The following ADGRE2 variants were observed in gnomAD, a reference collection of about 807,000 sequenced individuals.
ADGRE2 encodes the protein CD97 antigen.
A neutral mutation model predicts 100.8 loss-of-function variants in ADGRE2; 83 were observed. The ratio of observed to expected loss-of-function variants is 0.82; its 90% CI spans 0.69 to 0.99. The LOEUF (loss-of-function observed/expected upper bound fraction) is 0.99, where lower values mean the gene tolerates loss of function less well. Ranked by LOEUF, ADGRE2 falls within the 50% of genes least tolerant of loss-of-function variation. The pLI is 0.00. For synonymous variants in ADGRE2, 355 were observed against 413.0 expected, an observed-to-expected ratio of 0.86 and a Z score of 1.70; for missense variants, 814 against 1,035.7, an observed-to-expected ratio of 0.79 and a Z score of 2.94.
chr19:14,753,895 G>A (rs939188726), intron 14 of ADGRE2, among the ~76,000 whole-genome samples: 8 of 152,046 alleles, frequency 5.3e-5, no homozygotes, highest in African/African-American at 1.9e-4. Context: ...AACTTGTGAC[G>A]GTTAATACTG....
intron 20 of ADGRE2, among the ~76,000 whole-genome samples, chr19:14,738,210 TA>T (rs2042816482): frequency 6.6e-6 from 1 of 152,138 alleles, no homozygotes; most frequent in Non-Finnish European, 1.5e-5. Flanking sequence ...AAAAAACATT[TA>T]AAAAGATCTA....
intron 18 of ADGRE2, among the ~76,000 whole-genome samples, chr19:14,744,175 C>T (rs1228391384): frequency 2.0e-5 from 3 of 150,866 alleles, no homozygotes; most frequent in East Asian, 2.0e-4. Flanking sequence ...ACTCAGGAGG[C>T]GGAGGTTGCA....
intron 3 of ADGRE2, 59 bp from the exon 4 acceptor site, chr19:14,774,113 G>A: frequency 1.3e-6 from 2 of 1,536,736 alleles, no homozygotes; most frequent in Admixed American, 1.7e-5. Context: ...CAAAAAGGGG[G>A]CACTGGGGGA....
chr19:14,759,503 A>ATATATATAT (rs60789454), intron 11 of ADGRE2, among the ~76,000 whole-genome samples: 21,747 of 132,814 alleles, frequency 0.16, 2,237 homozygotes, highest in South Asian at 0.33. Flanking sequence ...ATATATATAT[A>ATATATATAT]TTTTTTTTTT....
chr19:14,751,932 T>TATA (rs1491431762), intron 15 of ADGRE2, among the ~76,000 whole-genome samples: 157 of 50,976 alleles, frequency 3.1e-3, no homozygotes, highest in African/African-American at 0.015. Context: ...TATATATATA[T>TATA]TTTTTTTTTT....
At chr19:14,749,443 ATTAT>A (rs993302155) in intron 16 of ADGRE2, among the ~76,000 whole-genome samples, 4 of 141,036 alleles carry the variant, frequency 2.8e-5, no homozygotes, top group African/African-American at 5.1e-5. Flanking sequence ...ATGTAATATA[ATTAT>A]TTATAGTTAT....
intron 14 of ADGRE2, among the ~76,000 whole-genome samples, chr19:14,754,231 C>T (rs4613193): frequency 0.42 from 64,106 of 151,244 alleles, 14,735 homozygotes; most frequent in African/African-American, 0.6. Context: ...GACGGCCTAT[C>T]GTGGGACCTT....
At chr19:14,746,468 G>T in intron 17 of ADGRE2, 145 bp from the exon 18 acceptor site, 1 of 599,748 alleles carries the variant, frequency 1.7e-6, no homozygotes, top group South Asian at 2.0e-5. Context: ...TGCCTCCCGG[G>T]TTCGAGCGAT....
At position 14,774,183 on chromosome 19, in the gene ADGRE2, G is replaced by A. The variant is rs987683182; in HGVS notation, c.82+73C>T. ...CCCTCTCTTTCCCTGGGCTGAAGGG[G>A]GCTGGGCGGGGGTCCAGGACCCTCC... On this transcript the variant is annotated intron_variant, in intron 3 of 20. Transcript: ENST00000315576. The A allele has an allele frequency of 6.7e-5, 102 of 1,516,216 alleles. 1 individual carries two copies. The highest frequency in any genetic ancestry group is 8.7e-5 in the Non-Finnish European group (96 of 1,103,170). The allele number at this position is 1,516,216 out of a possible 1,614,324, so 93.9% of individuals were successfully genotyped here. A position where few individuals can be genotyped will look rare whatever the true frequency, so the allele number is the denominator to read the frequency against.
At chr19:14,751,714 G>C (rs1462691790) in intron 15 of ADGRE2, 43 bp from the exon 16 acceptor site, 3 of 1,455,544 alleles carry the variant, frequency 2.1e-6, no homozygotes, top group Non-Finnish European at 2.9e-6. Context: ...GATCAGATTT[G>C]AGTGTGGCCC....
At chr19:14,740,974 C>T (rs543437855) in intron 20 of ADGRE2, among the ~76,000 whole-genome samples, 2 of 151,848 alleles carry the variant, frequency 1.3e-5, no homozygotes, top group Non-Finnish European at 2.9e-5. Flanking sequence ...TGGGCTCAAG[C>T]GATCCTCTCG....
chr19:14,769,994 G>A (rs3829680), intron 5 of ADGRE2, among the ~76,000 whole-genome samples: 90,228 of 152,086 alleles, frequency 0.59, 27,349 homozygotes, highest in African/African-American at 0.71. Context: ...CACTGCGCCC[G>A]GCCAGTGCTG....
At position 14,733,633 on chromosome 19, in the gene ADGRE2, C is replaced by T. The variant is rs1436144483; in HGVS notation, c.*2603G>A. 6.6e-6 allele frequency: 1 copy of T among 152,238 alleles called. No homozygotes were observed. Among genetic ancestry groups the T allele is most frequent in the Non-Finnish European group, 1.5e-5 (1 of 68,048 alleles). The allele number at this position is 152,238 out of a possible 1,614,324, so 9.4% of individuals were successfully genotyped here. A position where few individuals can be genotyped will look rare whatever the true frequency, so the allele number is the denominator to read the frequency against. On this transcript the variant is annotated 3_prime_UTR_variant, in exon 21 of 21. Coordinates refer to ENST00000315576, the MANE Select transcript of ADGRE2 (RefSeq NM_013447.4). Reference sequence around the variant, plus strand: ...AGTCCAAGCCTCTAAGAAACTCTCCCACCCTAAATCCTTAAACACTCTTAG... The same window carrying T: ...AGTCCAAGCCTCTAAGAAACTCTCCTACCCTAAATCCTTAAACACTCTTAG...
intron 1 of ADGRE2, 85 bp from the exon 2 acceptor site, chr19:14,777,012 A>ACACC: frequency 8.0e-7 from 1 of 1,253,588 alleles, no homozygotes; most frequent in Non-Finnish European, 1.0e-6. Flanking sequence ...ACACACACAC[A>ACACC]CACGTGTACT....
Position 14,766,301 on chromosome 19 carries a change from G to T in ADGRE2, c.568C>A (p.Arg190Ser), listed in dbSNP as rs749648162. 1 of 1,613,940 alleles carries T rather than the reference G, an allele frequency of 6.2e-7. No individual in the cohort carries two copies. The highest frequency in any genetic ancestry group is 8.5e-7 in the Non-Finnish European group (1 of 1,180,018). Residue 190 changes from arginine (R) to serine (S), a missense_variant, in exon 7 of 21, where the codon CGC (arginine) becomes AGC (serine). Coordinates refer to ENST00000315576, the MANE Select transcript of ADGRE2 (RefSeq NM_013447.4). ...ATCGGTTGCCAGCCCGGGCGGCAGC[G>T]GCACTGATAGCTGCCCACGTTGTTG... ...CLNNVGSYQC[R>S]CRPGWQPIPG...
At chr19:14,756,411 C>T (rs2043504027) in intron 11 of ADGRE2, 66 bp from the exon 12 acceptor site, 10 of 997,898 alleles carry the variant, frequency 1.0e-5, no homozygotes, top group Middle Eastern at 4.1e-4. Context: ...GGTTGATATA[C>T]TATGACTTAA....
At chr19:14,729,326 G>A (rs1169553497), downstream of ADGRE2, among the ~76,000 whole-genome samples, 1 of 152,060 alleles carries the variant, frequency 6.6e-6, no homozygotes, top group Non-Finnish European at 1.5e-5. Context: ...AATGCCAGTA[G>A]CTTGGGTTGG....
chr19:14,730,448 C>CTTTTTTCTTTCT (rs1568567895), downstream of ADGRE2, among the ~76,000 whole-genome samples: 216 of 151,650 alleles, frequency 1.4e-3, no homozygotes, highest in African/African-American at 5.0e-3. Flanking sequence ...TCTTTCCTTC[C>CTTTTTTCTTTCT]TCCCTTCCTC....
In ADGRE2 at chr19:14,755,636, A is replaced by ACC; in HGVS notation, c.1416+17_1416+18insGG. On this transcript the variant is annotated intron_variant, in intron 13 of 20. Transcript: ENST00000315576. ...GACTCAGACTATTCACCCACCAACCAACTCCACCAGCACTCACACGGTGGG... is the reference window on the plus strand; with the variant it reads ...GACTCAGACTATTCACCCACCAACCACCACTCCACCAGCACTCACACGGTGGG... The ACC allele has an allele frequency of 6.2e-7, 1 of 1,610,122 alleles. No individual in the cohort carries two copies. Among genetic ancestry groups the ACC allele is most frequent in the East Asian group, 2.2e-5 (1 of 44,860 alleles).
Sources: allele counts gnomAD v4.1 joint callset (sites outside exome capture counted in the v4.1 genomes callset), GRCh38; gene constraint gnomAD v4.1.1; transcripts MANE v1.5; gene names NCBI Gene and HGNC (gene_info 2026-07-23, HGNC 2026-07-21).